ZMAT4: variants seen among roughly 807,000 people sequenced by gnomAD.
The protein encoded by ZMAT4 is zinc finger matrin-type protein 4.
ZMAT4 carries 17 observed loss-of-function variants against 28.7 expected under a neutral mutation model. That is an observed-to-expected ratio of 0.59 (90% CI 0.41 to 0.89). ZMAT4 has a LOEUF of 0.89. ZMAT4 is among the 40% of genes least tolerant of loss of function. The pLI is 0.00. For missense variants in ZMAT4, 240 were observed against 283.8 expected (o/e 0.85, Z 1.11); for synonymous variants, 117 against 109.2 (o/e 1.07, Z -0.44).
In ZMAT4 at chr8:40,864,309, C is replaced by T. The variant is rs527257143; in HGVS notation, c.-5+33374G>A. On this transcript the variant is annotated intron_variant, in intron 1 of 6. Coordinates refer to ENST00000297737, the MANE Select transcript of ZMAT4 (RefSeq NM_024645.3). ...TCTTACTATGCTGGATGTACACCCT[C>T]AGATCTGATATTAATATGTCACTAG... 5.3e-5 allele frequency among the ~76,000 whole-genome samples: 8 copies of T among 152,340 alleles called. No homozygotes were observed. The East Asian group carries it at 1.5e-3, about 29-fold the overall frequency.
At chr8:40,652,200 A>T (rs1807697354) in intron 5 of ZMAT4, among the ~76,000 whole-genome samples, 1 of 126,396 alleles carries the variant, frequency 7.9e-6, no homozygotes, top group Non-Finnish European at 1.7e-5. Context: ...AAGGGCTAAT[A>T]TCCAGAATCT....
chr8:40,707,222 A>ACCCCCCCCCCCCCCCCC (rs71224847), intron 3 of ZMAT4, among the ~76,000 whole-genome samples: 1 of 91,400 alleles, frequency 1.1e-5, no homozygotes, highest in Non-Finnish European at 2.1e-5. Context: ...CTGCCCCCCC[A>ACCCCCCCCCCCCCCCCC]CCCCCCCACC....
intron 2 of ZMAT4, among the ~76,000 whole-genome samples, chr8:40,768,855 G>T (rs1177456942): frequency 1.3e-5 from 2 of 152,054 alleles, no homozygotes; most frequent in Non-Finnish European, 2.9e-5. Flanking sequence ...TGCTTTTCCA[G>T]GCTTTTGTTC....
chr8:40,765,704 C>T (rs751028806), intron 3 of ZMAT4, among the ~76,000 whole-genome samples: 8 of 152,162 alleles, frequency 5.3e-5, no homozygotes, highest in Non-Finnish European at 1.0e-4. Context: ...GATTGTGCAC[C>T]TGACCAGAGT....
At chr8:40,687,783 G>C (rs1349968313) in intron 4 of ZMAT4, among the ~76,000 whole-genome samples, 11 of 152,064 alleles carry the variant, frequency 7.2e-5, no homozygotes, top group African/African-American at 1.4e-4. Flanking sequence ...AAAATGAAAG[G>C]CCAGGCATTA....
intron 3 of ZMAT4, among the ~76,000 whole-genome samples, chr8:40,743,819 G>T (rs1007738080): frequency 3.3e-5 from 5 of 152,156 alleles, no homozygotes; most frequent in Non-Finnish European, 5.9e-5. Flanking sequence ...TGGTAATGGG[G>T]ACAGGGGCAC....
chr8:40,681,601 T>C (rs889812925), intron 4 of ZMAT4, among the ~76,000 whole-genome samples: 4 of 152,220 alleles, frequency 2.6e-5, no homozygotes, highest in African/African-American at 9.6e-5. Context: ...TCAGGCCTCA[T>C]ACTTAGATTT....
intron 4 of ZMAT4, among the ~76,000 whole-genome samples, chr8:40,693,864 A>T (rs1221541619): frequency 6.6e-6 from 1 of 152,178 alleles, no homozygotes; most frequent in African/African-American, 2.4e-5. Flanking sequence ...GAGGGGGTGG[A>T]AAGGTAGTGA....
At chr8:40,832,571 G>A (rs116063512) in intron 1 of ZMAT4, among the ~76,000 whole-genome samples, 210 of 152,206 alleles carry the variant, frequency 1.4e-3, no homozygotes, top group African/African-American at 4.7e-3. Context: ...GCCTGGCCCC[G>A]AGCCCAGCTG....
intron 2 of ZMAT4, among the ~76,000 whole-genome samples, chr8:40,774,187 A>G (rs1018637543): frequency 3.3e-5 from 5 of 152,166 alleles, no homozygotes; most frequent in Non-Finnish European, 5.9e-5. Flanking sequence ...GTCCTCACAA[A>G]TTTATTCAGA....
chr8:40,751,074 G>A (rs1324845609), intron 3 of ZMAT4, among the ~76,000 whole-genome samples: 1 of 152,124 alleles, frequency 6.6e-6, no homozygotes, highest in Non-Finnish European at 1.5e-5. Flanking sequence ...CTGAGGCACA[G>A]CCATAATGTC....
At position 40,863,579 on chromosome 8, in the gene ZMAT4, C is replaced by A. The variant is rs560368293; in HGVS notation, c.-5+34104G>T. ...TGTAGATGATGGGTTCAGTTCACAA[C>A]CAGCTAAGTTGAAAGTTCCTATGCA... On this transcript the variant is annotated intron_variant, in intron 1 of 6. Coordinates refer to ENST00000297737, the MANE Select transcript of ZMAT4 (RefSeq NM_024645.3). Among the ~76,000 whole-genome samples the A allele has an allele frequency of 1.1e-4, 16 of 152,286 alleles. No homozygotes were observed. In the South Asian group the frequency reaches 3.1e-3, roughly 30 times the overall value.
At chr8:40,769,140 G>A (rs1216076778) in intron 2 of ZMAT4, among the ~76,000 whole-genome samples, 1 of 152,134 alleles carries the variant, frequency 6.6e-6, no homozygotes, top group Non-Finnish European at 1.5e-5. Flanking sequence ...AATGAAACAT[G>A]AAAAATTTTT....
At chr8:40,891,264 G>GAGGGGGAAGGGGGAAGGGGGAGGGGGA (rs1449023070) in intron 1 of ZMAT4, among the ~76,000 whole-genome samples, 1 of 112,306 alleles carries the variant, frequency 8.9e-6, no homozygotes, top group Non-Finnish European at 1.9e-5. Context: ...GGGGAGGGGG[G>GAGGGGGAAGGGGGAAGGGGGAGGGGGA]AGGGGGAAGG....
chr8:40,633,313 T>C (rs1301553855), intron 5 of ZMAT4, among the ~76,000 whole-genome samples: 1 of 152,180 alleles, frequency 6.6e-6, no homozygotes, highest in African/African-American at 2.4e-5. Context: ...ATTCAACTCA[T>C]AGAGTTCTCC....
chr8:40,564,651 G>C (rs1285552837), intron 6 of ZMAT4, among the ~76,000 whole-genome samples: 1 of 152,172 alleles, frequency 6.6e-6, no homozygotes, highest in African/African-American at 2.4e-5. Flanking sequence ...CAGGGCCACT[G>C]TTGCAGCCTG....
intron 5 of ZMAT4, among the ~76,000 whole-genome samples, chr8:40,606,233 A>G (rs1805575037): frequency 6.6e-6 from 1 of 152,136 alleles, no homozygotes; most frequent in Admixed American, 6.6e-5. Context: ...TTTCCTGAAT[A>G]CTTTGTTTTT....
intron 2 of ZMAT4, among the ~76,000 whole-genome samples, chr8:40,776,244 T>C (rs139446361): frequency 6.6e-6 from 1 of 152,326 alleles, no homozygotes; most frequent in African/African-American, 2.4e-5. Context: ...GGTCACTTCG[T>C]TTCTTCCAAA....
chr8:40,762,683 G>A (rs972095086), intron 3 of ZMAT4, among the ~76,000 whole-genome samples: 1 of 152,058 alleles, frequency 6.6e-6, no homozygotes, highest in Non-Finnish European at 1.5e-5. Context: ...AAAATGAAAA[G>A]ATAGAAGAGG....
Sources: gnomAD v4.1 joint callset for allele counts (sites outside exome capture counted in the v4.1 genomes callset) on GRCh38, gnomAD v4.1.1 for gene constraint, MANE v1.5 for transcripts, NCBI Gene and HGNC (gene_info 2026-07-23, HGNC 2026-07-21) for gene names.